Variants in ATP2C1 observed in about 807,000 individuals in gnomAD.
ATP2C1 encodes calcium-transporting ATPase type 2C member 1.
ATP2C1 carries 31 observed loss-of-function variants against 120.5 expected under a neutral mutation model. The observed-to-expected ratio is 0.26, with a 90% CI of 0.19 to 0.35. ATP2C1 has a LOEUF of 0.35. ATP2C1 is among the 10% of genes least tolerant of loss of function. ATP2C1 has a pLI of 1.00. For missense variants in ATP2C1, 731 were observed against 1,107.5 expected, an observed-to-expected ratio of 0.66 and a Z score of 4.83; for synonymous variants, 351 against 358.7, an observed-to-expected ratio of 0.98 and a Z score of 0.24.
At chr3:130,999,787 C>CT (rs1206884925) in intron 27 of ATP2C1, 128 bp downstream of exon 27, 1 of 952,378 alleles carries the variant, frequency 1.0e-6, no homozygotes, top group Non-Finnish European at 1.5e-6. Context: ...AAAAAGGAGT[C>CT]TATTTTTTCA....
intron 26 of ATP2C1, chr3:131,014,162 C>A: frequency 6.2e-7 from 1 of 1,613,956 alleles, no homozygotes; most frequent in East Asian, 2.2e-5. Flanking sequence ...CAGTGGTTCT[C>A]CCTCTGTTCT....
In ATP2C1 at chr3:131,002,379, G is replaced by GT; in HGVS notation, c.*1030dup. Reference sequence around the variant, plus strand: ...CCAAACAAATGGTTTATGAACCAGAGTATATGTGGAAGATTCTTTGCTGGT... The same window carrying GT: ...CCAAACAAATGGTTTATGAACCAGAGTTATATGTGGAAGATTCTTTGCTGGT... On this transcript the variant is annotated 3_prime_UTR_variant, in exon 28 of 28. Transcript: ENST00000510168. The GT allele has an allele frequency of 1.0e-6, 1 of 985,360 alleles. No individual in the cohort carries two copies. The allele number at this position is 985,360 out of a possible 1,614,324, so 61.0% of individuals were successfully genotyped here.
intron 8 of ATP2C1, among the ~76,000 whole-genome samples, chr3:130,942,069 TTTAAAG>T (rs2059946122): frequency 6.6e-6 from 1 of 152,164 alleles, no homozygotes; most frequent in Non-Finnish European, 1.5e-5. Context: ...GATATAGACA[TTTAAAG>T]AAGGGAGAGG....
rs150315512 is a variant in ATP2C1 at position 130,887,258 on chromosome 3, A to T, written c.108+36330A>T. On this transcript the variant is annotated intron_variant, in intron 1 of 26. Coordinates refer to the ATP2C1 transcript ENST00000504381. The stretch of plus-strand genomic sequence containing the variant: ...TACCCCCCTGGCCCTCACTACTGGG[A>T]CTGTGCTGGGTCAGACCTGAAGCCA... Among the ~76,000 whole-genome samples, 1,174 of 152,216 alleles carry T rather than the reference A, an allele frequency of 7.7e-3. 19 individuals carry two copies. Among genetic ancestry groups the T allele is most frequent in the African/African-American group, 0.027 (1,120 of 41,546 alleles).
intron 8 of ATP2C1, among the ~76,000 whole-genome samples, chr3:130,947,197 G>C (rs761822320): frequency 2.6e-5 from 4 of 151,934 alleles, no homozygotes; most frequent in African/African-American, 7.3e-5. Context: ...CTGAGATTAC[G>C]CATACTTAAC....
chr3:130,894,095 G>T lies in ATP2C1; in HGVS notation c.-423G>T. 1.0e-6 allele frequency: 1 copy of T among 976,100 alleles called. No homozygotes were observed. Among genetic ancestry groups the T allele is most frequent in the Non-Finnish European group, 1.2e-6 (1 of 821,470 alleles). 60.5% of individuals were successfully genotyped at this position (976,100 alleles called of 1,614,324 possible). On this transcript the variant is annotated 5_prime_UTR_variant, in exon 1 of 28. Coordinates refer to ENST00000510168, the MANE Select transcript of ATP2C1 (RefSeq NM_001378687.1). This position sits in a 1 kb window ranked among gnomAD's most constrained non-coding sequence, Gnocchi z 4.5. ...TCGGAGGCGGGAGCAGACCAGCACGGCCTCGCGGAGCCGGCCCGGCGGACC... is the reference window on the plus strand; with the variant it reads ...TCGGAGGCGGGAGCAGACCAGCACGTCCTCGCGGAGCCGGCCCGGCGGACC...
At chr3:130,927,223 C>T (rs1473766004) in intron 2 of ATP2C1, among the ~76,000 whole-genome samples, 3 of 151,442 alleles carry the variant, frequency 2.0e-5, no homozygotes, top group Admixed American at 2.0e-4. Context: ...AGAAAACCAT[C>T]TTTAAGATTT....
chr3:130,981,406 C>G (rs2061758619), intron 20 of ATP2C1, among the ~76,000 whole-genome samples: 1 of 152,010 alleles, frequency 6.6e-6, no homozygotes, highest in African/African-American at 2.4e-5. Flanking sequence ...AAGTAATATT[C>G]TATTATAGGT....
Position 130,980,562 on chromosome 3 carries a change from TTC to T in ATP2C1, c.1742-13_1742-12del. ...CAAAAACAATTTGGTTTATTACATT[TTC>T]TCTCTCATTTGCTTTAGCCAGTCGT... On this transcript the variant is annotated intron_variant, in intron 19 of 27. Coordinates refer to ENST00000510168, the MANE Select transcript of ATP2C1 (RefSeq NM_001378687.1). 1 of 1,589,534 alleles carries T rather than the reference TTC, an allele frequency of 6.3e-7. No homozygotes were observed. Among genetic ancestry groups the T allele is most frequent in the Non-Finnish European group, 8.6e-7 (1 of 1,158,044 alleles).
Position 130,894,178 on chromosome 3 carries a change from C to A in ATP2C1, c.-340C>A. Reference sequence around the variant, plus strand: ...CTCCCCGCCCGCCCTCTCTCCCTCCCTTCCTCCCTCCCGCTCGCTTCTTCT... The same window carrying A: ...CTCCCCGCCCGCCCTCTCTCCCTCCATTCCTCCCTCCCGCTCGCTTCTTCT... On this transcript the variant is annotated 5_prime_UTR_variant, in exon 1 of 28. Transcript: ENST00000510168. The surrounding 1 kb of genome is among the most constrained non-coding windows in gnomAD (Gnocchi z 4.5). The A allele has an allele frequency of 2.0e-6, 2 of 976,006 alleles. No homozygotes were observed. The highest frequency in any genetic ancestry group is 2.4e-6 in the Non-Finnish European group (2 of 821,452). The allele number at this position is 976,006 out of a possible 1,614,324, so 60.5% of individuals were successfully genotyped here.
chr3:130,960,187 A>G (rs1185775034), intron 12 of ATP2C1, among the ~76,000 whole-genome samples: 3 of 152,180 alleles, frequency 2.0e-5, no homozygotes, highest in African/African-American at 7.2e-5. Context: ...AGTTTCTACC[A>G]CAGGATCTTT....
chr3:130,878,770 T>C lies in ATP2C1; in HGVS notation c.108+27842T>C, dbSNP rs1559878149. Among the ~76,000 whole-genome samples the C allele has an allele frequency of 4.6e-5, 7 of 152,348 alleles. No individual in the cohort carries two copies. In the South Asian group the frequency reaches 1.4e-3, roughly 32 times the overall value. On this transcript the variant is annotated intron_variant, in intron 1 of 26. Transcript: ENST00000504381. ...ATGCTATTATTCTGATGGGGATTCCTTTAGATATGACTTGATGCTTATCTC... is the reference window on the plus strand; with the variant it reads ...ATGCTATTATTCTGATGGGGATTCCCTTAGATATGACTTGATGCTTATCTC...
intron 22 of ATP2C1, among the ~76,000 whole-genome samples, 181 bp downstream of exon 22, chr3:130,994,279 G>A (rs2062495742): frequency 6.6e-6 from 1 of 152,182 alleles, no homozygotes; most frequent in African/African-American, 2.4e-5. Context: ...GGCTGGAACA[G>A]GCATAGTAAA....
intron 2 of ATP2C1, among the ~76,000 whole-genome samples, chr3:130,904,490 A>T (rs544143144): frequency 6.6e-6 from 1 of 152,172 alleles, no homozygotes; most frequent in Non-Finnish European, 1.5e-5. Context: ...TAATGTGATC[A>T]CTTGGTTAAG....
chr3:130,938,235 TTA>T (rs1253266952), intron 6 of ATP2C1, among the ~76,000 whole-genome samples: 1 of 152,236 alleles, frequency 6.6e-6, no homozygotes, highest in Non-Finnish European at 1.5e-5. Context: ...AGGCTTAGTT[TTA>T]TGTTTATTTA....
At chr3:130,893,497 A>G (rs1017753473), upstream of ATP2C1, among the ~76,000 whole-genome samples, 1 of 152,218 alleles carries the variant, frequency 6.6e-6, no homozygotes, top group Middle Eastern at 3.4e-3. Context: ...GGGTTTTGCA[A>G]GTGAGAGTGC....
chr3:130,909,856 A>ATATCTT (rs1553754399), intron 2 of ATP2C1, among the ~76,000 whole-genome samples: 1 of 151,506 alleles, frequency 6.6e-6, no homozygotes, highest in Non-Finnish European at 1.5e-5. Context: ...GGTTTTATAT[A>ATATCTT]TATATTTATA....
intron 2 of ATP2C1, among the ~76,000 whole-genome samples, chr3:130,913,753 A>G (rs760703534): frequency 1.3e-5 from 2 of 152,186 alleles, no homozygotes; most frequent in Admixed American, 1.3e-4. Flanking sequence ...AGTCCCCTAA[A>G]CTGGATTTAC....
intron 26 of ATP2C1, chr3:131,015,381 G>T: frequency 1.7e-6 from 1 of 584,978 alleles, no homozygotes; most frequent in South Asian, 2.2e-5. Flanking sequence ...CTCCTGGATG[G>T]TCAATTACCA....
Sources: gnomAD v4.1 joint callset for allele counts (sites outside exome capture counted in the v4.1 genomes callset) on GRCh38, gnomAD v4.1.1 for gene constraint, Gnocchi (gnomAD v3.1) non-coding constraint, MANE v1.5 for transcripts, NCBI Gene and HGNC (gene_info 2026-07-23, HGNC 2026-07-21) for gene names.